CACNA2D3: variants seen among roughly 807,000 people sequenced by gnomAD.
CACNA2D3 encodes the protein calcium voltage-gated channel auxiliary subunit alpha2delta 3.
CACNA2D3 carries 60 observed loss-of-function variants against 160.6 expected under a neutral mutation model. The observed-to-expected ratio is 0.37, with a 90% CI of 0.30 to 0.46. The LOEUF is 0.46. CACNA2D3 is among the 20% of genes least tolerant of loss of function. The pLI is 1.00. For missense variants in CACNA2D3, 1,205 were observed against 1,365.0 expected (o/e 0.88, Z 1.85); for synonymous variants, 558 against 492.9 (o/e 1.13, Z -1.75).
At chr3:54,411,424 C>T (rs534396188) in intron 4 of CACNA2D3, among the ~76,000 whole-genome samples, 20 of 152,168 alleles carry the variant, frequency 1.3e-4, no homozygotes, top group African/African-American at 4.8e-4. Context: ...GTCACTCCAA[C>T]CTTTAGCAAC....
chr3:54,291,113 C>T (rs1164724953), intron 2 of CACNA2D3, among the ~76,000 whole-genome samples: 1 of 152,190 alleles, frequency 6.6e-6, no homozygotes, highest in Non-Finnish European at 1.5e-5. Flanking sequence ...AACATCGTGG[C>T]AGGTTGCATA....
At chr3:54,835,755 A>G (rs1559599696) in intron 14 of CACNA2D3, among the ~76,000 whole-genome samples, 1 of 152,206 alleles carries the variant, frequency 6.6e-6, no homozygotes, top group Admixed American at 6.5e-5. Flanking sequence ...AGCCAGAAGG[A>G]CTTGCCTGGT....
chr3:54,290,698 G>A (rs997760532), intron 2 of CACNA2D3, among the ~76,000 whole-genome samples: 5 of 151,802 alleles, frequency 3.3e-5, no homozygotes, highest in East Asian at 1.9e-4. Context: ...AGAAAATGTG[G>A]CACATATACA....
At chr3:54,464,561 C>T (rs564046818) in intron 4 of CACNA2D3, among the ~76,000 whole-genome samples, 26 of 152,318 alleles carry the variant, frequency 1.7e-4, no homozygotes, top group Non-Finnish European at 3.7e-4. Context: ...ACTCCGTGGG[C>T]GTAGGACCCT....
intron 14 of CACNA2D3, among the ~76,000 whole-genome samples, chr3:54,836,940 G>T (rs1409926908): frequency 1.3e-5 from 2 of 152,220 alleles, no homozygotes; most frequent in Non-Finnish European, 2.9e-5. Flanking sequence ...CTGCTAGAGT[G>T]ACTAATGACA....
intron 11 of CACNA2D3, among the ~76,000 whole-genome samples, chr3:54,698,528 G>GT (rs1311340494): frequency 6.6e-6 from 1 of 152,112 alleles, no homozygotes; most frequent in Non-Finnish European, 1.5e-5. Flanking sequence ...ATTTTGATAT[G>GT]TTTTTGGTCC....
intron 2 of CACNA2D3, among the ~76,000 whole-genome samples, chr3:54,183,084 C>G (rs527264396): frequency 1.3e-5 from 2 of 152,100 alleles, no homozygotes; most frequent in South Asian, 2.1e-4. Flanking sequence ...TCATTCCCCC[C>G]CCAAAATATT....
intron 34 of CACNA2D3, among the ~76,000 whole-genome samples, chr3:55,013,587 A>G (rs909428946): frequency 6.6e-6 from 1 of 152,176 alleles, no homozygotes; most frequent in African/African-American, 2.4e-5. Context: ...CCCTCAAAAG[A>G]TAAAGACCCT....
chr3:54,249,282 G>A (rs1256419430), intron 2 of CACNA2D3, among the ~76,000 whole-genome samples: 1 of 152,092 alleles, frequency 6.6e-6, no homozygotes, highest in Non-Finnish European at 1.5e-5. Context: ...CCAAATTACA[G>A]GACATTCTTG....
At chr3:54,141,098 C>T (rs73844316) in intron 2 of CACNA2D3, among the ~76,000 whole-genome samples, 956 of 64,604 alleles carry the variant, frequency 0.015, 19 homozygotes, top group African/African-American at 0.04. Context: ...CGCGCGCGCG[C>T]GTGTGTGCAT....
chr3:54,459,861 G>A (rs567853834), intron 4 of CACNA2D3, among the ~76,000 whole-genome samples: 1 of 152,292 alleles, frequency 6.6e-6, no homozygotes, highest in East Asian at 1.9e-4. Flanking sequence ...CCTATGTCCT[G>A]AATGGTAATG....
chr3:54,953,730 C>T (rs1466609253), intron 27 of CACNA2D3, among the ~76,000 whole-genome samples: 1 of 152,182 alleles, frequency 6.6e-6, no homozygotes, highest in African/African-American at 2.4e-5. Flanking sequence ...CTTGGGGCAA[C>T]CTCGGGCTCC....
At chr3:54,654,683 G>A (rs1282527109) in intron 11 of CACNA2D3, among the ~76,000 whole-genome samples, 1 of 152,170 alleles carries the variant, frequency 6.6e-6, no homozygotes, top group Non-Finnish European at 1.5e-5. Context: ...GAGCTCACAG[G>A]AGGGTCCTGT....
chr3:54,797,441 G>A lies in CACNA2D3; in HGVS notation c.1381-19412G>A, dbSNP rs183507632. ...ACTGTGATTAACTATCTTTAGGGAGGCCTCTCTACACAAAGCCACTATTTT... is the reference window on the plus strand; with the variant it reads ...ACTGTGATTAACTATCTTTAGGGAGACCTCTCTACACAAAGCCACTATTTT... On this transcript the variant is annotated intron_variant, in intron 13 of 37. Coordinates refer to ENST00000474759, the MANE Select transcript of CACNA2D3 (RefSeq NM_018398.3). Among the ~76,000 whole-genome samples the A allele has an allele frequency of 1.4e-4, 21 of 152,192 alleles. No individual in the cohort carries two copies. In the East Asian group the frequency reaches 3.9e-3, roughly 28 times the overall value.
intron 13 of CACNA2D3, among the ~76,000 whole-genome samples, chr3:54,814,553 C>G (rs1490743629): frequency 6.6e-6 from 1 of 152,238 alleles, no homozygotes; most frequent in Non-Finnish European, 1.5e-5. Flanking sequence ...TACCCTGAGA[C>G]TCCTTCAGAG....
chr3:54,682,938 G>A (rs541437408), intron 11 of CACNA2D3, among the ~76,000 whole-genome samples: 3 of 152,210 alleles, frequency 2.0e-5, no homozygotes, highest in South Asian at 4.2e-4. Context: ...TTTAACTTCT[G>A]AGTTGATTAA....
chr3:54,949,219 A>T (rs1452671988), intron 27 of CACNA2D3, among the ~76,000 whole-genome samples: 1 of 152,216 alleles, frequency 6.6e-6, no homozygotes, highest in African/African-American at 2.4e-5. Flanking sequence ...GCACAGGAGC[A>T]TAGGATGCAT....
At chr3:54,277,038 G>A (rs1011733833) in intron 2 of CACNA2D3, among the ~76,000 whole-genome samples, 2 of 152,160 alleles carry the variant, frequency 1.3e-5, no homozygotes, top group African/African-American at 4.8e-5. Flanking sequence ...TGTATTACTG[G>A]GCCCTGGTCC....
intron 14 of CACNA2D3, among the ~76,000 whole-genome samples, chr3:54,827,538 GTTTT>G (rs200926677): frequency 1.3e-5 from 2 of 152,016 alleles, no homozygotes; most frequent in African/African-American, 4.8e-5. Flanking sequence ...ACTAAGCTGT[GTTTT>G]TTTTAAGTCC....
Sources: allele counts gnomAD v4.1 joint callset (sites outside exome capture counted in the v4.1 genomes callset), GRCh38; gene constraint gnomAD v4.1.1; transcripts MANE v1.5; gene names NCBI Gene and HGNC (gene_info 2026-07-23, HGNC 2026-07-21).